HS6ST2: variants seen among roughly 807,000 people sequenced by gnomAD.
The protein encoded by HS6ST2 is heparan-sulfate 6-O-sulfotransferase 2.
HS6ST2 carries 17 observed loss-of-function variants against 33.0 expected under a neutral mutation model. The ratio of observed to expected loss-of-function variants is 0.52; its 90% CI spans 0.35 to 0.77. HS6ST2 has a LOEUF of 0.77. HS6ST2 is among the 30% of genes least tolerant of loss of function. The probability of loss-of-function intolerance (pLI) is 0.01; values close to 1 mark genes in which losing one functional copy is unlikely to be tolerated. For missense variants in HS6ST2, 519 were observed against 551.7 expected (o/e 0.94, Z 0.59); for synonymous variants, 248 against 237.1 (o/e 1.05, Z -0.42).
At chrX:132,686,586 A>G (rs1207332711) in intron 3 of HS6ST2, among the ~76,000 whole-genome samples, 1 of 111,800 alleles carries the variant, frequency 8.9e-6, no homozygotes, top group Non-Finnish European at 1.9e-5. Flanking sequence ...AGAGTGCCAC[A>G]TGCAGAGCTG....
At chrX:132,848,729 G>A (rs917441035) in intron 2 of HS6ST2, among the ~76,000 whole-genome samples, 12 of 111,873 alleles carry the variant, frequency 1.1e-4, no homozygotes, top group Non-Finnish European at 2.3e-4. Context: ...AAAGCCAACA[G>A]CATGTGGCAG....
intron 2 of HS6ST2, among the ~76,000 whole-genome samples, chrX:132,909,291 G>C (rs2066508713): frequency 8.9e-6 from 1 of 112,463 alleles, no homozygotes; most frequent in Non-Finnish European, 1.9e-5. Flanking sequence ...ATGCCTGGGG[G>C]TTTCCCAAAG....
intron 2 of HS6ST2, among the ~76,000 whole-genome samples, chrX:132,714,212 T>G (rs1240474083): frequency 2.7e-5 from 3 of 111,897 alleles, no homozygotes; most frequent in Non-Finnish European, 3.8e-5. Flanking sequence ...ATTAACTGGC[T>G]GTGAAACCCT....
intron 2 of HS6ST2, among the ~76,000 whole-genome samples, chrX:132,952,357 A>C (rs910879574): frequency 4.3e-5 from 3 of 69,639 alleles, no homozygotes; most frequent in Non-Finnish European, 8.4e-5. Context: ...TCCTCAGCTA[A>C]GTAAAACTGA....
rs187608953 is a variant in HS6ST2 at position 132,746,354 on chromosome X, T to A, written c.948-37860A>T. On this transcript the variant is annotated intron_variant, in intron 2 of 4. Transcript: ENST00000370833. ...CGTCTCTACTAAAAATACAAAAAAA[T>A]TAGCCGGGCGTGGTGGCGGGCGCCT... is the stretch of plus-strand genomic sequence containing the variant. Among the ~76,000 whole-genome samples, 344 of 110,484 alleles carry A rather than the reference T, an allele frequency of 3.1e-3. 2 individuals are homozygous for A. Among genetic ancestry groups the A allele is most frequent in the African/African-American group, 0.011 (331 of 30,379 alleles).
intron 2 of HS6ST2, among the ~76,000 whole-genome samples, chrX:132,869,308 T>C (rs979988655): frequency 9.0e-6 from 1 of 111,394 alleles, no homozygotes; most frequent in African/African-American, 3.3e-5. Context: ...AAGGACCAGA[T>C]GGGTTCACAG....
chrX:132,897,306 G>A lies in HS6ST2; in HGVS notation c.947+59502C>T, dbSNP rs182206134. On this transcript the variant is annotated intron_variant, in intron 2 of 4. Coordinates refer to ENST00000370833, the MANE Select transcript of HS6ST2 (RefSeq NM_001394073.1). ...CAAGGGATGCAAAGAATCGTGGTCA[G>A]TGCTAAATAATGCCGAGATTGATTT... 4.5e-5 allele frequency among the ~76,000 whole-genome samples: 5 copies of A among 110,826 alleles called. No individual in the cohort carries two copies. In the East Asian group the frequency reaches 1.4e-3, roughly 32 times the overall value.
chrX:132,719,050 A>C (rs2064303968), intron 2 of HS6ST2, among the ~76,000 whole-genome samples: 1 of 112,267 alleles, frequency 8.9e-6, no homozygotes, highest in Non-Finnish European at 1.9e-5. Context: ...GACTCATTCC[A>C]GCAGGGCCCA....
At chrX:132,886,585 G>T (rs746616730) in intron 2 of HS6ST2, among the ~76,000 whole-genome samples, 1 of 110,393 alleles carries the variant, frequency 9.1e-6, no homozygotes, top group South Asian at 3.9e-4. Flanking sequence ...AAAGATCAAA[G>T]AATCCCAAGT....
At chrX:132,683,262 A>G (rs2063988579) in intron 3 of HS6ST2, among the ~76,000 whole-genome samples, 4 of 112,113 alleles carry the variant, frequency 3.6e-5, no homozygotes, top group Admixed American at 1.9e-4. Context: ...GGATGTATCC[A>G]TGACCTATGG....
intron 4 of HS6ST2, among the ~76,000 whole-genome samples, chrX:132,662,313 G>GA (rs1307881910): frequency 9.0e-6 from 1 of 111,338 alleles, no homozygotes; most frequent in East Asian, 2.8e-4. Context: ...TTATTACGTG[G>GA]AAAAAAATAG....
chrX:132,630,473 A>G (rs2063509560), intron 4 of HS6ST2, among the ~76,000 whole-genome samples: 1 of 111,289 alleles, frequency 9.0e-6, no homozygotes. Context: ...TATCCTGTAC[A>G]TGGTGCTTGC....
At position 132,823,551 on chromosome X, in the gene HS6ST2, C is replaced by T. The variant is rs769290418; in HGVS notation, c.948-115057G>A. 4.9e-4 allele frequency among the ~76,000 whole-genome samples: 54 copies of T among 109,710 alleles called. No individual in the cohort carries two copies. The South Asian group carries it at 0.021, about 43-fold the overall frequency. On this transcript the variant is annotated intron_variant, in intron 2 of 4. Coordinates refer to ENST00000370833, the MANE Select transcript of HS6ST2 (RefSeq NM_001394073.1). ...ATTTTGGTTTTTCACTCCTATGTTA[C>T]TTCACTTAGAATAATGCCTCTAGGC...
intron 2 of HS6ST2, among the ~76,000 whole-genome samples, chrX:132,750,294 T>G (rs1409535918): frequency 9.3e-6 from 1 of 107,487 alleles, no homozygotes; most frequent in Non-Finnish European, 1.9e-5. Flanking sequence ...CTGACTTGAA[T>G]TTTTGGAGGA....
intron 2 of HS6ST2, among the ~76,000 whole-genome samples, chrX:132,952,862 G>T (rs1455587617): frequency 4.5e-5 from 5 of 111,320 alleles, no homozygotes; most frequent in Non-Finnish European, 3.8e-5. Flanking sequence ...CAGGGATGTA[G>T]AAATCTGTTC....
rs753366288 is a variant in HS6ST2, at chrX:132,915,962, T to C, written c.947+40846A>G. 2.7e-5 allele frequency among the ~76,000 whole-genome samples: 3 copies of C among 110,014 alleles called. No individual in the cohort carries two copies. In the East Asian group the frequency reaches 8.6e-4, roughly 31 times the overall value. The stretch of plus-strand genomic sequence containing the variant: ...ATTGGTCAGGCTGGTCTCGAACTCC[T>C]GACCTCGTGATCCACCTGCCTCGGC... On this transcript the variant is annotated intron_variant, in intron 2 of 4. Transcript: ENST00000370833.
At position 132,954,075 on chromosome X, in the gene HS6ST2, C is replaced by T. The variant is rs750346659; in HGVS notation, c.947+2733G>A. Reference sequence around the variant, plus strand: ...TCATTCTCATCTGATAAATGGGGATCCTTTTGTCCACTCTGGCCTCTTGCT... The same window carrying T: ...TCATTCTCATCTGATAAATGGGGATTCTTTTGTCCACTCTGGCCTCTTGCT... On this transcript the variant is annotated intron_variant, in intron 2 of 4. Coordinates refer to ENST00000370833, the MANE Select transcript of HS6ST2 (RefSeq NM_001394073.1). Among the ~76,000 whole-genome samples, 4 of 112,235 alleles carry T rather than the reference C, an allele frequency of 3.6e-5. No individual in the cohort carries two copies. In the South Asian group the frequency reaches 1.5e-3, roughly 42 times the overall value.
intron 2 of HS6ST2, among the ~76,000 whole-genome samples, chrX:132,751,852 C>T (rs2064709998): frequency 8.9e-6 from 1 of 112,364 alleles, no homozygotes; most frequent in African/African-American, 3.2e-5. Context: ...GTGTCCCCTA[C>T]CCCAGTCCCA....
chrX:132,725,790 A>T (rs766518120), intron 2 of HS6ST2, among the ~76,000 whole-genome samples: 2 of 112,192 alleles, frequency 1.8e-5, no homozygotes, highest in African/African-American at 6.5e-5. Context: ...GGATGGATAA[A>T]GAAAATGTGG....
Sources: gnomAD v4.1 joint callset for allele counts (sites outside exome capture counted in the v4.1 genomes callset) on GRCh38, gnomAD v4.1.1 for gene constraint, MANE v1.5 for transcripts, NCBI Gene and HGNC (gene_info 2026-07-23, HGNC 2026-07-21) for gene names.